Variants in ATP10B observed in about 807,000 individuals in gnomAD.
The protein encoded by ATP10B is ATPase phospholipid transporting 10B (putative).
Under a neutral mutation model 141.2 loss-of-function variants are expected in ATP10B, and 122 were observed. That is an observed-to-expected ratio of 0.86 (90% CI 0.75 to 1.00). ATP10B has a LOEUF of 1.00. Among genes scored for constraint, ATP10B ranks in the 50% least tolerant of loss-of-function variants. ATP10B has a pLI of 0.00. For missense variants in ATP10B, 1,876 were observed against 1,825.3 expected (o/e 1.03, Z -0.51); for synonymous variants, 685 against 692.0 (o/e 0.99, Z 0.16).
At chr5:160,858,209 C>G in the ATP10B span, among the ~76,000 whole-genome samples, 1 of 151,692 alleles carries the variant, frequency 6.6e-6, no homozygotes, top group Non-Finnish European at 1.5e-5. Flanking sequence ...AGCTTTTGAC[C>G]ATTATATAAT....
intron 3 of ATP10B, among the ~76,000 whole-genome samples, chr5:160,709,343 C>T (rs147824151): frequency 6.6e-6 from 1 of 152,094 alleles, no homozygotes; most frequent in African/African-American, 2.4e-5. Context: ...ATTAGATACA[C>T]AAATTTGAAA....
chr5:160,768,203 A>G (rs1769620776), intron 2 of ATP10B, among the ~76,000 whole-genome samples: 1 of 152,118 alleles, frequency 6.6e-6, no homozygotes, highest in African/African-American at 2.4e-5. Context: ...GTATGTCTAG[A>G]ATTTTGCTAA....
chr5:160,870,658 A>G, the ATP10B span, among the ~76,000 whole-genome samples: 1 of 152,168 alleles, frequency 6.6e-6, no homozygotes, highest in Non-Finnish European at 1.5e-5. Flanking sequence ...AATGTTTGAA[A>G]CAATACTGGC....
chr5:160,605,539 G>A (rs746674311), intron 19 of ATP10B, among the ~76,000 whole-genome samples: 9 of 152,178 alleles, frequency 5.9e-5, no homozygotes, highest in Non-Finnish European at 1.2e-4. Flanking sequence ...GTGTGTGTCT[G>A]AATTTCTGAA....
At chr5:160,795,029 A>G (rs1210409164) in intron 1 of ATP10B, among the ~76,000 whole-genome samples, 2 of 152,202 alleles carry the variant, frequency 1.3e-5, no homozygotes, top group African/African-American at 4.8e-5. Context: ...TGTTGAATGA[A>G]TAAGTGGAAG....
intron 1 of ATP10B, among the ~76,000 whole-genome samples, chr5:160,803,063 T>C (rs985966688): frequency 1.3e-5 from 2 of 152,222 alleles, no homozygotes; most frequent in Non-Finnish European, 2.9e-5. Context: ...CTCCGTGACA[T>C]GCTCCTGTTC....
the ATP10B span, among the ~76,000 whole-genome samples, chr5:160,893,920 C>T: frequency 3.9e-5 from 6 of 152,206 alleles, no homozygotes; most frequent in East Asian, 3.9e-4. Flanking sequence ...AGTGGACCTC[C>T]AGCAAGCTCC....
At position 160,620,946 on chromosome 5, in the gene ATP10B, G is replaced by A. The variant is rs750391676; in HGVS notation, c.1817C>T (p.Thr606Ile). ...STTTEPRQRV[T>I]IKPSSKALGT... ...CAGAGCCTTGCTTGAGGGTTTGATG[G>A]TGACCTTGTGGCCAAAGAAGGAAAG... The change falls in exon 15 of 26, where the codon ACC (threonine) becomes ATC (isoleucine). Residue 606 changes from threonine (T) to isoleucine (I), a missense_variant. Transcript: ENST00000327245. The A allele has an allele frequency of 3.7e-6, 6 of 1,609,348 alleles. No individual in the cohort carries two copies. Among genetic ancestry groups the A allele is most frequent in the Non-Finnish European group, 5.1e-6 (6 of 1,177,294 alleles).
At chr5:160,576,476 C>T (rs1250831739) in intron 24 of ATP10B, among the ~76,000 whole-genome samples, 2 of 152,138 alleles carry the variant, frequency 1.3e-5, no homozygotes, top group African/African-American at 4.8e-5. Context: ...ATTTGGTAAT[C>T]AGGGCCAGAA....
chr5:160,796,765 A>G lies in ATP10B; in HGVS notation c.-575-10962T>C, dbSNP rs1166475118. 2.6e-5 allele frequency among the ~76,000 whole-genome samples: 4 copies of G among 152,260 alleles called. No homozygotes were observed. The East Asian group carries it at 7.7e-4, about 29-fold the overall frequency. On this transcript the variant is annotated intron_variant, in intron 1 of 25. Coordinates refer to ENST00000327245, the MANE Select transcript of ATP10B (RefSeq NM_025153.3). ...ACTCTTATGGGAAGGGAGGATCTTG[A>G]GAGTGGACTCCTCACACAGGTACCT...
At chr5:160,879,532 A>G in the ATP10B span, among the ~76,000 whole-genome samples, 1 of 136,112 alleles carries the variant, frequency 7.3e-6, no homozygotes, top group Non-Finnish European at 1.6e-5. Context: ...AACTTAAAGT[A>G]AAATTAAAAA....
chr5:160,856,948 T>C (rs1056356862), upstream of ATP10B, among the ~76,000 whole-genome samples: 1 of 151,810 alleles, frequency 6.6e-6, no homozygotes, highest in Non-Finnish European at 1.5e-5. Flanking sequence ...AATTTTTTAA[T>C]TGATGAATTT....
chr5:160,914,227 G>C, the ATP10B span, among the ~76,000 whole-genome samples: 1 of 152,104 alleles, frequency 6.6e-6, no homozygotes, highest in African/African-American at 2.4e-5. Flanking sequence ...TTTCTTCTAT[G>C]TTGAGAACTG....
intron 1 of ATP10B, among the ~76,000 whole-genome samples, chr5:160,811,905 T>G (rs956468366): frequency 5.3e-5 from 8 of 152,096 alleles, no homozygotes; most frequent in Non-Finnish European, 1.0e-4. Flanking sequence ...ACTGCTGTGC[T>G]GGCTTCATGT....
At chr5:160,814,367 C>T (rs1279672537) in intron 1 of ATP10B, among the ~76,000 whole-genome samples, 1 of 152,040 alleles carries the variant, frequency 6.6e-6, no homozygotes, top group Non-Finnish European at 1.5e-5. Context: ...ATTCGATCAA[C>T]TGGAAGAAAG....
At chr5:160,694,899 G>T (rs1019569750) in intron 3 of ATP10B, among the ~76,000 whole-genome samples, 13 of 152,112 alleles carry the variant, frequency 8.5e-5, no homozygotes, top group Non-Finnish European at 1.3e-4. Context: ...ATCACAACAG[G>T]TTTAAAGATC....
chr5:160,597,258 G>A (rs186705894), intron 22 of ATP10B, among the ~76,000 whole-genome samples: 1 of 152,324 alleles, frequency 6.6e-6, no homozygotes, highest in African/African-American at 2.4e-5. Flanking sequence ...ACAACTATCT[G>A]ATCTTTGACA....
intron 2 of ATP10B, among the ~76,000 whole-genome samples, chr5:160,769,462 A>G (rs1769717917): frequency 6.6e-6 from 1 of 152,216 alleles, no homozygotes. Flanking sequence ...GGTAATCGCC[A>G]CATAGGCTGG....
rs370900882 is a variant in ATP10B at position 160,658,636 on chromosome 5, C to G, written c.676-9380G>C. Among the ~76,000 whole-genome samples the G allele has an allele frequency of 2.0e-5, 3 of 152,290 alleles. No individual in the cohort carries two copies. In the East Asian group the frequency reaches 5.8e-4, roughly 29 times the overall value. ...ATTGTACCAGCCAGGCCAGGCAGTA[C>G]GTTTCCCCAGGATGCTTTTCAATCT... On this transcript the variant is annotated intron_variant, in intron 7 of 25. Transcript: ENST00000327245.
Sources: allele counts gnomAD v4.1 joint callset (sites outside exome capture counted in the v4.1 genomes callset), GRCh38; gene constraint gnomAD v4.1.1; transcripts MANE v1.5; gene names NCBI Gene and HGNC (gene_info 2026-07-23, HGNC 2026-07-21).